Variants in NFIA observed in about 807,000 individuals in gnomAD.
NFIA encodes nuclear factor I A.
In NFIA, 8 loss-of-function variants were observed where a neutral mutation model predicts 62.8. The observed-to-expected ratio is 0.13, with a 90% CI of 0.07 to 0.23. NFIA has a LOEUF of 0.23. NFIA is among the 10% of genes least tolerant of loss of function. The probability of loss-of-function intolerance (pLI) is 1.00; values close to 1 mark genes in which losing one functional copy is unlikely to be tolerated. For synonymous variants in NFIA, 235 were observed against 238.1 expected, an observed-to-expected ratio of 0.99 and a Z score of 0.12; for missense variants, 410 against 642.1, an observed-to-expected ratio of 0.64 and a Z score of 3.91.
At chr1:61,360,979 T>C (rs1663258234) in intron 6 of NFIA, among the ~76,000 whole-genome samples, 1 of 130,318 alleles carries the variant, frequency 7.7e-6, no homozygotes, top group Non-Finnish European at 1.6e-5. Flanking sequence ...TGAAGCACTA[T>C]GCCAGGTTCT....
At chr1:61,276,192 G>A (rs332829) in intron 2 of NFIA, among the ~76,000 whole-genome samples, 99,271 of 151,992 alleles carry the variant, frequency 0.65, 32,597 homozygotes, top group East Asian at 0.82. Flanking sequence ...ATTTTAAAAT[G>A]GATATTTTTT....
At chr1:61,444,432 C>T (rs1408489688) in intron 10 of NFIA, among the ~76,000 whole-genome samples, 17 of 152,180 alleles carry the variant, frequency 1.1e-4, no homozygotes, top group Admixed American at 9.8e-4. Flanking sequence ...GTAAAACATT[C>T]CTTCACCAAG....
chr1:61,089,665 T>G (rs1646281955), intron 2 of NFIA, among the ~76,000 whole-genome samples: 1 of 151,438 alleles, frequency 6.6e-6, no homozygotes, highest in African/African-American at 2.4e-5. Context: ...GTAGGTTGTT[T>G]TGGGGTTCAA....
chr1:61,304,755 C>A (rs1283908109), intron 3 of NFIA, among the ~76,000 whole-genome samples: 1 of 152,078 alleles, frequency 6.6e-6, no homozygotes, highest in African/African-American at 2.4e-5. Flanking sequence ...CCCTGAGATA[C>A]CCAGCTGTAT....
At chr1:61,130,907 C>G (rs1647060723) in intron 2 of NFIA, among the ~76,000 whole-genome samples, 1 of 152,236 alleles carries the variant, frequency 6.6e-6, no homozygotes, top group African/African-American at 2.4e-5. Flanking sequence ...TTACATTTCT[C>G]ACAGACTAGG....
At chr1:61,376,693 A>G (rs1664166216) in intron 6 of NFIA, among the ~76,000 whole-genome samples, 1 of 152,100 alleles carries the variant, frequency 6.6e-6, no homozygotes, top group African/African-American at 2.4e-5. Flanking sequence ...TCAGCTATAA[A>G]TATACTTTAT....
chr1:61,177,777 T>C (rs1242639827), intron 2 of NFIA, among the ~76,000 whole-genome samples: 1 of 152,076 alleles, frequency 6.6e-6, no homozygotes, highest in African/African-American at 2.4e-5. Flanking sequence ...TGAACCATCC[T>C]GAATAGAGAG....
rs556240352 is a variant in NFIA at position 61,152,384 on chromosome 1, A to G, written c.559+63704A>G. 1.8e-3 allele frequency among the ~76,000 whole-genome samples: 271 copies of G among 152,280 alleles called. 1 individual carries two copies. The highest frequency in any genetic ancestry group is 0.01 in the Middle Eastern group (3 of 294). ...AAATCCCTGCTTTTTCAAACAGTGT[A>G]CTTTGCACTTCCTTTCCTTGTGTAA... On this transcript the variant is annotated intron_variant, in intron 2 of 10. Transcript: ENST00000403491.
At chr1:61,118,814 CAGT>C (rs908458692) in intron 2 of NFIA, among the ~76,000 whole-genome samples, 1 of 151,756 alleles carries the variant, frequency 6.6e-6, no homozygotes, top group African/African-American at 2.4e-5. Context: ...ACAGAATAGG[CAGT>C]GGTGGTAAAG....
chr1:61,185,432 A>C (rs1180545089), intron 2 of NFIA, among the ~76,000 whole-genome samples: 1 of 152,152 alleles, frequency 6.6e-6, no homozygotes, highest in Non-Finnish European at 1.5e-5. Flanking sequence ...GGTAATCCTG[A>C]GTATTCCCTC....
intron 4 of NFIA, among the ~76,000 whole-genome samples, chr1:61,341,461 G>C (rs1353592823): frequency 6.6e-6 from 1 of 151,990 alleles, no homozygotes; most frequent in Non-Finnish European, 1.5e-5. Flanking sequence ...CATGCTACAG[G>C]TCATTACTGA....
intron 2 of NFIA, among the ~76,000 whole-genome samples, chr1:61,099,453 C>T (rs951013733): frequency 2.6e-5 from 4 of 152,310 alleles, no homozygotes; most frequent in South Asian, 2.1e-4. Context: ...ACTCTTTAAA[C>T]TCTTTTGGCA....
chr1:61,233,801 G>A (rs1460881422), intron 2 of NFIA, among the ~76,000 whole-genome samples: 1 of 152,178 alleles, frequency 6.6e-6, no homozygotes, highest in Non-Finnish European at 1.5e-5. Flanking sequence ...TCCCTTCTGT[G>A]CCAGCAGCCT....
At chr1:61,431,517 T>G (rs1667095714) in intron 10 of NFIA, among the ~76,000 whole-genome samples, 1 of 152,254 alleles carries the variant, frequency 6.6e-6, no homozygotes, top group Non-Finnish European at 1.5e-5. Context: ...AAATTACCAT[T>G]TGGACTATTA....
intron 6 of NFIA, among the ~76,000 whole-genome samples, chr1:61,367,997 G>T (rs1240738371): frequency 6.6e-6 from 1 of 152,206 alleles, no homozygotes; most frequent in Admixed American, 6.5e-5. Flanking sequence ...GCGCTCAGAA[G>T]CAGAGCGATG....
intron 3 of NFIA, among the ~76,000 whole-genome samples, chr1:61,283,595 A>AAAAAAAAAG (rs1157084338): frequency 0.012 from 1,080 of 87,108 alleles, 26 homozygotes; most frequent in Admixed American, 0.06. Context: ...AAAAAAAAAA[A>AAAAAAAAAG]AAAAAAAAAA....
At chr1:61,311,319 A>G (rs1441164175) in intron 3 of NFIA, among the ~76,000 whole-genome samples, 3 of 151,904 alleles carry the variant, frequency 2.0e-5, no homozygotes. Context: ...TGAACCCGGG[A>G]GGTGGAGGTT....
intron 2 of NFIA, among the ~76,000 whole-genome samples, chr1:61,147,386 A>G (rs1250979880): frequency 1.3e-5 from 2 of 152,130 alleles, no homozygotes; most frequent in Non-Finnish European, 2.9e-5. Context: ...CCTGACCTCA[A>G]GTGATCTGCC....
At chr1:61,101,077 A>G (rs575126398) in intron 2 of NFIA, among the ~76,000 whole-genome samples, 1 of 152,054 alleles carries the variant, frequency 6.6e-6, no homozygotes, top group Non-Finnish European at 1.5e-5. Context: ...CAGACAGAAG[A>G]TGGTGCAGGT....
Sources: gnomAD v4.1 joint callset for allele counts (sites outside exome capture counted in the v4.1 genomes callset) on GRCh38, gnomAD v4.1.1 for gene constraint, MANE v1.5 for transcripts, NCBI Gene and HGNC (gene_info 2026-07-23, HGNC 2026-07-21) for gene names.